Variants in DPP3 observed in about 807,000 individuals in gnomAD.
DPP3 encodes the protein DPP III.
In DPP3, 64 loss-of-function variants were observed where a neutral mutation model predicts 89.8. That is an observed-to-expected ratio of 0.71 (90% CI 0.58 to 0.88). The LOEUF is 0.88. DPP3 is among the 40% of genes least tolerant of loss of function. The pLI is 0.00. For synonymous variants in DPP3, 377 were observed against 404.3 expected (o/e 0.93, Z 0.81); for missense variants, 835 against 972.5 (o/e 0.86, Z 1.88).
In DPP3 at chr11:66,482,139, G is replaced by T. The variant is rs1855099963; in HGVS notation, c.-8-54G>T. 3.1e-6 allele frequency: 5 copies of T among 1,595,590 alleles called. No individual in the cohort carries two copies. The Admixed American group carries it at 8.5e-5, about 27-fold the overall frequency. ...TGAGATCATAAGAGTTCAGAGCCAGGTATGCAATTGGTATGGGGTAAACAA... is the reference window on the plus strand; with the variant it reads ...TGAGATCATAAGAGTTCAGAGCCAGTTATGCAATTGGTATGGGGTAAACAA... On this transcript the variant is annotated intron_variant, in intron 1 of 17. Coordinates refer to ENST00000531863, the MANE Select transcript of DPP3 (RefSeq NM_130443.4).
rs769660303 is a variant in DPP3 at position 66,491,776 on chromosome 11, G to A, written c.988+20G>A. 3.1e-6 allele frequency: 5 copies of A among 1,613,456 alleles called. No individual in the cohort carries two copies. The Admixed American group carries it at 6.7e-5, about 22-fold the overall frequency. On this transcript the variant is annotated intron_variant, in intron 9 of 17. Coordinates refer to ENST00000531863, the MANE Select transcript of DPP3 (RefSeq NM_130443.4). ...TTGAAGGTAACTTCCTCAGGGAGGAGGTCAGTCACAGTCCCTTCCCCCACA... is the reference window on the plus strand; with the variant it reads ...TTGAAGGTAACTTCCTCAGGGAGGAAGTCAGTCACAGTCCCTTCCCCCACA...
At chr11:66,488,628 G>A (rs75003264) in intron 6 of DPP3, among the ~76,000 whole-genome samples, 27,491 of 151,194 alleles carry the variant, frequency 0.18, 3,290 homozygotes, top group Non-Finnish European at 0.24. Context: ...GGTAGTAGTA[G>A]TGGGGCCTGG....
In DPP3 at chr11:66,490,618, T is replaced by A. The variant is rs534181736; in HGVS notation, c.668-635T>A. 1.4e-4 allele frequency among the ~76,000 whole-genome samples: 22 copies of A among 152,196 alleles called. 1 individual carries two copies. In the South Asian group the frequency reaches 4.6e-3, roughly 32 times the overall value. On this transcript the variant is annotated intron_variant, in intron 6 of 17. Coordinates refer to ENST00000531863, the MANE Select transcript of DPP3 (RefSeq NM_130443.4). ...GCTATCCACTTAAGCTCTCGGTGCC[T>A]TAGTTTCCCATCGGTGAAATGGAAA...
chr11:66,487,832 C>T, intron 5 of DPP3, 82 bp from the exon 6 acceptor site: 2 of 1,336,526 alleles, frequency 1.5e-6, no homozygotes, highest in Non-Finnish European at 2.1e-6. Context: ...GCCTTCTCCC[C>T]TAGGGTTGAC....
At chr11:66,493,994 C>T (rs1028432640) in intron 12 of DPP3, among the ~76,000 whole-genome samples, 83 of 152,212 alleles carry the variant, frequency 5.5e-4, no homozygotes, top group African/African-American at 1.9e-3. Flanking sequence ...GTGCTTAGGG[C>T]GTGGCTCCAG....
At chr11:66,502,871 T>C (rs1281542747) in intron 16 of DPP3, among the ~76,000 whole-genome samples, 2 of 152,186 alleles carry the variant, frequency 1.3e-5, no homozygotes, top group African/African-American at 4.8e-5. Context: ...AGTGCTGGGA[T>C]TACAGGCATG....
Position 66,504,657 on chromosome 11 carries a change from G to A in DPP3, c.1924G>A (p.Glu642Lys), listed in dbSNP as rs114407249. 5.0e-4 allele frequency: 813 copies of A among 1,613,454 alleles called. 6 individuals carry two copies. The African/African-American group carries it at 9.2e-3, about 18-fold the overall frequency. Residue 642 changes from glutamate to lysine, a missense_variant, in exon 17 of 18, where the codon GAG (glutamate) becomes AAG (lysine). Transcript: ENST00000531863. Reference sequence around the variant, plus strand: ...TGTGGCCGGAGGGCGGGCCCTGTACGAGGGGTATGCAACAGTCACTGATGC... The same window carrying A: ...TGTGGCCGGAGGGCGGGCCCTGTACAAGGGGTATGCAACAGTCACTGATGC... ...GDVAGGRALY[E>K]GYATVTDAPP...
chr11:66,493,453 G>T, intron 11 of DPP3, 88 bp from the exon 12 acceptor site: 1 of 1,355,956 alleles, frequency 7.4e-7, no homozygotes, highest in South Asian at 1.3e-5. Flanking sequence ...GCACTGAGAT[G>T]GGTCCATGGC....
At chr11:66,501,966 G>A (rs1855687928) in intron 16 of DPP3, among the ~76,000 whole-genome samples, 1 of 152,068 alleles carries the variant, frequency 6.6e-6, no homozygotes, top group Admixed American at 6.6e-5. Flanking sequence ...GGGAGGCCAA[G>A]ATGGGCAGAT....
intron 5 of DPP3, among the ~76,000 whole-genome samples, chr11:66,487,560 G>A (rs1855265774): frequency 1.3e-5 from 2 of 152,124 alleles, no homozygotes; most frequent in African/African-American, 2.4e-5. Flanking sequence ...AGGCTCCGGG[G>A]TCCATGTGTC....
chr11:66,500,528 A>G (rs1410770444), intron 16 of DPP3, among the ~76,000 whole-genome samples: 2 of 152,232 alleles, frequency 1.3e-5, no homozygotes, highest in East Asian at 1.9e-4. Context: ...ATAAGTTACA[A>G]TTGATACCCA....
In DPP3 at chr11:66,497,313, C is replaced by T. The variant is rs200182592; in HGVS notation, c.1714C>T (p.Arg572Trp). 8.7e-6 allele frequency: 14 copies of T among 1,613,790 alleles called. No individual in the cohort carries two copies. Among genetic ancestry groups the T allele is most frequent in the South Asian group, 4.4e-5 (4 of 91,074 alleles). Residue 572 changes from arginine (R) to tryptophan (W), a missense_variant, in exon 16 of 18, where the codon CGG becomes TGG. By Grantham distance (101) the Arg-to-Trp change is moderately radical (BLOSUM62 -3). Coordinates refer to ENST00000531863, the MANE Select transcript of DPP3 (RefSeq NM_130443.4). Reference protein sequence around the residue: ...FNWRQAHMQARFVILRVLLEA... With the variant: ...FNWRQAHMQAWFVILRVLLEA... ...GCTCCGGCAGGCCCATATGCAGGCC[C>T]GGTTTGTGATCCTGAGAGTCTTGCT... is the stretch of plus-strand genomic sequence containing the variant.
intron 2 of DPP3, among the ~76,000 whole-genome samples, chr11:66,483,867 G>C (rs893796317): frequency 6.6e-6 from 1 of 151,990 alleles, no homozygotes; most frequent in Non-Finnish European, 1.5e-5. Flanking sequence ...TTGAACTTTG[G>C]GCATTCACTT....
At chr11:66,494,144 C>A (rs2134735343) in intron 12 of DPP3, among the ~76,000 whole-genome samples, 1 of 152,308 alleles carries the variant, frequency 6.6e-6, no homozygotes, top group African/African-American at 2.4e-5. Flanking sequence ...CTCCCCAGAG[C>A]AGACCCTTCT....
At position 66,480,458 on chromosome 11, in the gene DPP3, T is replaced by A. The variant is rs1855040576; in HGVS notation, c.-16T>A. 6.0e-6 allele frequency: 9 copies of A among 1,488,846 alleles called. No individual in the cohort carries two copies. Among genetic ancestry groups the A allele is most frequent in the Non-Finnish European group, 7.1e-6 (8 of 1,126,246 alleles). 92.2% of individuals were successfully genotyped at this position (1,488,846 alleles called of 1,614,324 possible). On this transcript the variant is annotated 5_prime_UTR_variant, in exon 1 of 18. Transcript: ENST00000531863. Reference sequence around the variant, plus strand: ...GAAGTGAGTTTGCGAACGGAGCAGCTGCTGCAGGTGAGGCGCGGCGCCTGG... The same window carrying A: ...GAAGTGAGTTTGCGAACGGAGCAGCAGCTGCAGGTGAGGCGCGGCGCCTGG...
At chr11:66,482,529 G>A (rs373915905) in intron 2 of DPP3, 59 bp downstream of exon 2, 1 of 1,575,884 alleles carries the variant, frequency 6.3e-7, no homozygotes, top group Non-Finnish European at 8.6e-7. Flanking sequence ...GAAAGACCAG[G>A]ATGCAAATGT....
Position 66,482,215 on chromosome 11 carries a change from G to C in DPP3, c.15G>C (p.Gln5His), listed in dbSNP as rs1846532113. 2.5e-6 allele frequency: 4 copies of C among 1,614,174 alleles called. No homozygotes were observed. The highest frequency in any genetic ancestry group is 3.4e-6 in the Non-Finnish European group (4 of 1,180,018). Residue 5 changes from glutamine to histidine, a missense_variant, in exon 2 of 18, where the codon CAG (glutamine) becomes CAC (histidine). By Grantham distance (24) the Gln-to-His change is conservative (BLOSUM62 0). Coordinates refer to ENST00000531863, the MANE Select transcript of DPP3 (RefSeq NM_130443.4). The part of the protein sequence containing the change: MADT[Q>H]YILPNDIGVS... ...CAGCAGGGCCCATGGCGGACACCCA[G>C]TACATCCTGCCCAATGACATCGGCG...
At chr11:66,503,565 A>G (rs1855730073) in intron 16 of DPP3, among the ~76,000 whole-genome samples, 1 of 152,150 alleles carries the variant, frequency 6.6e-6, no homozygotes, top group African/African-American at 2.4e-5. Flanking sequence ...TAACACACCA[A>G]AAATACCAGA....
chr11:66,486,245 A>AT (rs1256016251), intron 3 of DPP3, among the ~76,000 whole-genome samples: 2 of 151,682 alleles, frequency 1.3e-5, no homozygotes, highest in Admixed American at 6.6e-5. Flanking sequence ...GTCTGGCCTA[A>AT]TTTTTTTTAT....
Sources: gnomAD v4.1 joint callset for allele counts (sites outside exome capture counted in the v4.1 genomes callset) on GRCh38, gnomAD v4.1.1 for gene constraint, MANE v1.5 for transcripts, NCBI Gene and HGNC (gene_info 2026-07-23, HGNC 2026-07-21) for gene names.